Variants in FIRRM observed in about 807,000 individuals in gnomAD.
The protein encoded by FIRRM is FIGNL1 interacting regulator of recombination and mitosis, also known as FIGNL1-interacting regulator of recombination and mitosis.
the FIRRM span, among the ~76,000 whole-genome samples, chr1:169,829,604 C>G: frequency 0.23 from 34,986 of 152,018 alleles, 4,488 homozygotes; most frequent in Middle Eastern, 0.3. Flanking sequence ...ATCCCAGATT[C>G]CTGTATTATT....
the FIRRM span, among the ~76,000 whole-genome samples, chr1:169,788,187 C>A: frequency 2.6e-4 from 40 of 152,168 alleles, no homozygotes; most frequent in Non-Finnish European, 5.7e-4. Flanking sequence ...ATACAACTGA[C>A]CCTTGAACAA....
the FIRRM span, among the ~76,000 whole-genome samples, chr1:169,841,354 G>A: frequency 6.6e-6 from 1 of 152,202 alleles, no homozygotes; most frequent in Non-Finnish European, 1.5e-5. Context: ...TGGTTTGCTA[G>A]TATCGTTTTG....
At chr1:169,787,718 T>C in the FIRRM span, among the ~76,000 whole-genome samples, 1 of 152,244 alleles carries the variant, frequency 6.6e-6, no homozygotes, top group Admixed American at 6.5e-5. Flanking sequence ...AACAATCTGC[T>C]GCACAATGAG....
chr1:169,836,861 G>A, the FIRRM span: 2 of 1,183,178 alleles, frequency 1.7e-6, no homozygotes, highest in Non-Finnish European at 2.4e-6. Flanking sequence ...CTAATACTTA[G>A]CTTTTGTGTA....
chr1:169,851,912 A>G, the FIRRM span: 1 of 1,613,982 alleles, frequency 6.2e-7, no homozygotes, highest in Admixed American at 1.7e-5. Context: ...TGACTGTAGA[A>G]GAAGCAAAGA....
At chr1:169,836,909 T>C in the FIRRM span, 1 of 1,596,850 alleles carries the variant, frequency 6.3e-7, no homozygotes, top group Admixed American at 1.7e-5. Context: ...CTCTTCTTTC[T>C]TTAACAATTT....
At chr1:169,792,981 C>T in the FIRRM span, 3 of 1,613,886 alleles carry the variant, frequency 1.9e-6, no homozygotes, top group Admixed American at 1.7e-5. Flanking sequence ...TTTTCTTCAT[C>T]TTCCAAAGTG....
the FIRRM span, among the ~76,000 whole-genome samples, chr1:169,844,030 A>AC: frequency 1.3e-5 from 2 of 152,084 alleles, no homozygotes; most frequent in Non-Finnish European, 2.9e-5. Context: ...ACTGTTAACT[A>AC]CCCACTGCAA....
At chr1:169,841,131 C>A in the FIRRM span, among the ~76,000 whole-genome samples, 6 of 151,996 alleles carry the variant, frequency 3.9e-5, no homozygotes, top group Admixed American at 1.3e-4. Context: ...TCTTTTGATG[C>A]CTAGTGTCTT....
At chr1:169,851,686 G>A in the FIRRM span, 32 of 995,572 alleles carry the variant, frequency 3.2e-5, no homozygotes, top group African/African-American at 3.9e-4. Flanking sequence ...AGTATTTATA[G>A]ATCAGTCCAT....
the FIRRM span, chr1:169,784,767 C>G: frequency 1.3e-5 from 2 of 152,196 alleles, no homozygotes; most frequent in Non-Finnish European, 2.9e-5. Context: ...CTGTTCATCA[C>G]TCAGCTTTTT....
At chr1:169,842,949 T>C in the FIRRM span, among the ~76,000 whole-genome samples, 1 of 152,230 alleles carries the variant, frequency 6.6e-6, no homozygotes, top group Non-Finnish European at 1.5e-5. Flanking sequence ...GTGGCTAATT[T>C]GTATTTCTCT....
the FIRRM span, chr1:169,829,337 A>G: frequency 1.2e-5 from 19 of 1,613,740 alleles, no homozygotes; most frequent in East Asian, 3.1e-4. Flanking sequence ...GTTCATTTAC[A>G]GGGATTAAAG....
the FIRRM span, among the ~76,000 whole-genome samples, chr1:169,792,180 G>T: frequency 2.6e-5 from 4 of 152,068 alleles, no homozygotes; most frequent in African/African-American, 9.7e-5. Context: ...TTTACATAAG[G>T]CCCCAACCTA....
At chr1:169,792,738 G>C in the FIRRM span, 1 of 1,613,832 alleles carries the variant, frequency 6.2e-7, no homozygotes, top group Admixed American at 1.7e-5. Flanking sequence ...CTGGCCAAAA[G>C]TACACGTCCA....
chr1:169,825,588 T>A, the FIRRM span, among the ~76,000 whole-genome samples: 1 of 152,244 alleles, frequency 6.6e-6, no homozygotes, highest in Non-Finnish European at 1.5e-5. Flanking sequence ...TAGATGTAAT[T>A]CAAGTCTGTG....
chr1:169,851,466 G>A, the FIRRM span: 1 of 176,800 alleles, frequency 5.7e-6, no homozygotes, highest in African/African-American at 2.4e-5. Flanking sequence ...CCAAAGTCCT[G>A]GGATTAGAGG....
the FIRRM span, chr1:169,792,538 C>G: frequency 6.9e-7 from 1 of 1,449,458 alleles, no homozygotes; most frequent in Middle Eastern, 2.6e-4. Context: ...ATTTTTGGTC[C>G]TTCTGTTTAT....
the FIRRM span, chr1:169,798,979 T>C: frequency 1.9e-6 from 2 of 1,053,306 alleles, no homozygotes; most frequent in African/African-American, 1.6e-5. Context: ...TTGTTTTAAC[T>C]GTATGATGTA....
Sources: allele counts gnomAD v4.1 joint callset (sites outside exome capture counted in the v4.1 genomes callset), GRCh38; gene constraint gnomAD v4.1.1; transcripts MANE v1.5; gene names NCBI Gene and HGNC (gene_info 2026-07-23, HGNC 2026-07-21).